H2AZ2: variants seen among roughly 807,000 people sequenced by gnomAD.
H2AZ2 encodes the protein H2A.Z variant histone 2.
In H2AZ2, 5 loss-of-function variants were observed where a neutral mutation model predicts 15.5. That is an observed-to-expected ratio of 0.32 (90% CI 0.17 to 0.68). The LOEUF (loss-of-function observed/expected upper bound fraction) is 0.68. Among genes scored for constraint, H2AZ2 ranks in the 30% least tolerant of loss-of-function variants. H2AZ2 has a pLI of 0.72. For synonymous variants in H2AZ2, 44 were observed against 57.4 expected, an observed-to-expected ratio of 0.77 and a Z score of 1.05; for missense variants, 42 against 162.5, an observed-to-expected ratio of 0.26 and a Z score of 4.03.
chr7:44,844,633 C>T (rs1793354518), intron 1 of H2AZ2, among the ~76,000 whole-genome samples: 1 of 152,256 alleles, frequency 6.6e-6, no homozygotes, highest in South Asian at 2.1e-4. Flanking sequence ...GGATTACAGG[C>T]GTGAGCCACT....
At chr7:44,841,918 A>G (rs1793284366) in intron 2 of H2AZ2, among the ~76,000 whole-genome samples, 1 of 152,244 alleles carries the variant, frequency 6.6e-6, no homozygotes, top group Non-Finnish European at 1.5e-5. Context: ...GTTACAGTCT[A>G]GACAGTCTCT....
At chr7:44,843,856 C>G (rs1000683632) in intron 1 of H2AZ2, among the ~76,000 whole-genome samples, 1 of 152,102 alleles carries the variant, frequency 6.6e-6, no homozygotes, top group East Asian at 1.9e-4. Context: ...CAGTGCCAGG[C>G]TGAAAAATAT....
chr7:44,847,686 C>T (rs1793446493), intron 1 of H2AZ2, among the ~76,000 whole-genome samples: 1 of 152,242 alleles, frequency 6.6e-6, no homozygotes, highest in South Asian at 2.1e-4. Context: ...TGCCGTCCTC[C>T]TCCTTCTAAG....
intron 3 of H2AZ2, among the ~76,000 whole-genome samples, chr7:44,838,924 C>T (rs1460009122): frequency 6.6e-6 from 1 of 152,174 alleles, no homozygotes; most frequent in East Asian, 1.9e-4. Flanking sequence ...CTACTTGTTA[C>T]TCAAATTACT....
chr7:44,845,867 ACTTT>A (rs1393827062), intron 1 of H2AZ2, among the ~76,000 whole-genome samples: 2 of 152,188 alleles, frequency 1.3e-5, no homozygotes, highest in Non-Finnish European at 1.5e-5. Context: ...ATGGATAATT[ACTTT>A]CTTTCCGATA....
rs745879839 is a variant in H2AZ2, at chr7:44,835,697, C to A, written c.196-39G>T. The A allele has an allele frequency of 2.6e-6, 4 of 1,522,942 alleles. No homozygotes were observed. In the South Asian group the frequency reaches 5.1e-5, roughly 19 times the overall value. 94.3% of individuals were successfully genotyped at this position (1,522,942 alleles called of 1,614,324 possible). On this transcript the variant is annotated intron_variant, in intron 3 of 4. Coordinates refer to ENST00000308153, the MANE Select transcript of H2AZ2 (RefSeq NM_012412.5). ...ATGATTAGCATATCAAATGAAGGAC[C>A]TAGGATCCCAAATGAAGGATCACTT...
chr7:44,838,659 A>C (rs1793192159), intron 3 of H2AZ2, among the ~76,000 whole-genome samples: 1 of 152,146 alleles, frequency 6.6e-6, no homozygotes, highest in African/African-American at 2.4e-5. Context: ...TCTCAAAACA[A>C]ACACACAAGA....
intron 1 of H2AZ2, among the ~76,000 whole-genome samples, chr7:44,847,625 A>G (rs1355747912): frequency 6.6e-6 from 1 of 152,184 alleles, no homozygotes; most frequent in East Asian, 1.9e-4. Context: ...CATACAGAGA[A>G]GCGATCACAT....
chr7:44,830,153 C>A (rs1360052831), downstream of H2AZ2: 1 of 1,613,756 alleles, frequency 6.2e-7, no homozygotes, highest in South Asian at 1.1e-5. Context: ...TCTAAGAACA[C>A]CTTCTCTTCT....
chr7:44,836,505 A>T (rs1049660970), intron 3 of H2AZ2, among the ~76,000 whole-genome samples: 6 of 151,996 alleles, frequency 3.9e-5, no homozygotes, highest in Non-Finnish European at 7.4e-5. Flanking sequence ...CACTCAGCCT[A>T]AAATATAATT....
At chr7:44,827,187 T>A (rs1228952853), downstream of H2AZ2, 5 of 152,212 alleles carry the variant, frequency 3.3e-5, no homozygotes, top group African/African-American at 1.2e-4. Context: ...GGAATATAAC[T>A]CAAATAGCAA....
intron 1 of H2AZ2, among the ~76,000 whole-genome samples, chr7:44,845,876 C>A (rs1054444493): frequency 3.3e-5 from 5 of 152,072 alleles, no homozygotes; most frequent in African/African-American, 1.2e-4. Context: ...TACTTTCTTT[C>A]CGATATCCCC....
intron 1 of H2AZ2, among the ~76,000 whole-genome samples, chr7:44,846,872 G>C (rs1793424678): frequency 6.6e-6 from 1 of 151,226 alleles, no homozygotes. Context: ...TAAACTATAC[G>C]TTAGACGTTG....
At chr7:44,836,758 A>G (rs1436704200) in intron 3 of H2AZ2, among the ~76,000 whole-genome samples, 3 of 151,878 alleles carry the variant, frequency 2.0e-5, no homozygotes, top group Admixed American at 2.0e-4. Context: ...GCAATTTGGG[A>G]GGCCGAGAGG....
chr7:44,834,072 T>A lies in H2AZ2; in HGVS notation c.*429A>T. On this transcript the variant is annotated 3_prime_UTR_variant, in exon 5 of 5. Transcript: ENST00000308153. ...AAAATGGTGCTACAGATCAATAGCA[T>A]CTAAGAGTCAATATACCATGGTATC... 1 of 770,896 alleles carries A rather than the reference T, an allele frequency of 1.3e-6. No homozygotes were observed. Among genetic ancestry groups the A allele is most frequent in the Non-Finnish European group, 1.6e-6 (1 of 634,552 alleles). The allele number at this position is 770,896 out of a possible 1,614,324, so 47.8% of individuals were successfully genotyped here. A position where few individuals can be genotyped will look rare whatever the true frequency, so the allele number is the denominator to read the frequency against.
intron 2 of H2AZ2, among the ~76,000 whole-genome samples, chr7:44,841,239 A>G (rs1793268427): frequency 6.6e-6 from 1 of 152,194 alleles, no homozygotes; most frequent in Admixed American, 6.5e-5. Flanking sequence ...TCTAAAATGA[A>G]GAAATACCAC....
In H2AZ2 at chr7:44,834,090, A is replaced by T. The variant is rs1405748717; in HGVS notation, c.*411T>A. On this transcript the variant is annotated 3_prime_UTR_variant, in exon 5 of 5. Coordinates refer to ENST00000308153, the MANE Select transcript of H2AZ2 (RefSeq NM_012412.5). ...AATAGCATCTAAGAGTCAATATACC[A>T]TGGTATCAATCATTGTAAAGATATA... The T allele has an allele frequency of 1.2e-6, 1 of 866,400 alleles. No homozygotes were observed. Among genetic ancestry groups the T allele is most frequent in the African/African-American group, 1.8e-5 (1 of 54,740 alleles). The allele number at this position is 866,400 out of a possible 1,614,324, so 53.7% of individuals were successfully genotyped here.
chr7:44,840,377 G>A (rs1046962316), intron 3 of H2AZ2, among the ~76,000 whole-genome samples: 1 of 152,144 alleles, frequency 6.6e-6, no homozygotes, highest in African/African-American at 2.4e-5. Flanking sequence ...GTGAATCACT[G>A]TGCCCAGCCC....
At position 44,843,976 on chromosome 7, in the gene H2AZ2, T is replaced by C. The variant is rs188347368; in HGVS notation, c.4-622A>G. ...ATTTCACAATTTTTATCAATGTCAATGTAACATATATTACTTCCACAGAAA... is the reference window on the plus strand; with the variant it reads ...ATTTCACAATTTTTATCAATGTCAACGTAACATATATTACTTCCACAGAAA... On this transcript the variant is annotated intron_variant, in intron 1 of 4. Coordinates refer to ENST00000308153, the MANE Select transcript of H2AZ2 (RefSeq NM_012412.5). Among the ~76,000 whole-genome samples the C allele has an allele frequency of 1.4e-4, 22 of 152,054 alleles. No homozygotes were observed. In the East Asian group the frequency reaches 4.3e-3, roughly 29 times the overall value.
Sources: gnomAD v4.1 joint callset for allele counts (sites outside exome capture counted in the v4.1 genomes callset) on GRCh38, gnomAD v4.1.1 for gene constraint, MANE v1.5 for transcripts, NCBI Gene and HGNC (gene_info 2026-07-23, HGNC 2026-07-21) for gene names.